Variants in CAST observed in about 807,000 individuals in gnomAD.
CAST encodes MIR583 host.
In CAST, 76 loss-of-function variants were observed where a neutral mutation model predicts 119.6. The observed-to-expected ratio is 0.64, with a 90% CI of 0.53 to 0.77. The LOEUF is 0.77. Among genes scored for constraint, CAST ranks in the 30% least tolerant of loss-of-function variants. The probability of loss-of-function intolerance (pLI) is 0.00; values close to 1 mark genes in which losing one functional copy is unlikely to be tolerated. For missense variants in CAST, 953 were observed against 946.5 expected (o/e 1.01, Z -0.09); for synonymous variants, 319 against 331.6 (o/e 0.96, Z 0.41).
chr5:96,002,370 G>A, the CAST span, among the ~76,000 whole-genome samples: 1 of 152,182 alleles, frequency 6.6e-6, no homozygotes, highest in Non-Finnish European at 1.5e-5. Flanking sequence ...CTCTGTCACT[G>A]AATTTATCAT....
chr5:96,464,771 C>G, the CAST span, among the ~76,000 whole-genome samples: 2 of 152,014 alleles, frequency 1.3e-5, no homozygotes, highest in Non-Finnish European at 2.9e-5. Flanking sequence ...TGGTAAACAC[C>G]TGGGCAGTCA....
chr5:96,432,741 C>T, the CAST span: 1 of 772,902 alleles, frequency 1.3e-6, no homozygotes, highest in Non-Finnish European at 2.2e-6. Flanking sequence ...GGAGCAGCTC[C>T]TTGCTCTTTG....
the CAST span, among the ~76,000 whole-genome samples, chr5:95,986,043 C>G: frequency 6.6e-6 from 1 of 152,062 alleles, no homozygotes; most frequent in Non-Finnish European, 1.5e-5. Context: ...CCTGTTTTTC[C>G]TACTTTTGCA....
At chr5:96,256,355 ATATAAATATACAGTAAT>A in the CAST span, among the ~76,000 whole-genome samples, 12 of 130,896 alleles carry the variant, frequency 9.2e-5, no homozygotes, top group Admixed American at 5.2e-4. Context: ...AATATACAGT[ATATAAATATACAGTAAT>A]ATATATATAT....
the CAST span, among the ~76,000 whole-genome samples, chr5:96,143,607 A>G: frequency 6.6e-6 from 1 of 152,198 alleles, no homozygotes; most frequent in Non-Finnish European, 1.5e-5. Flanking sequence ...TGTTTATTGA[A>G]TGGATGAGTC....
At chr5:96,662,312 G>A (rs1748623201), upstream of CAST, 2 of 1,092,286 alleles carry the variant, frequency 1.8e-6, 1 homozygote, top group South Asian at 5.3e-5. Context: ...CCCGCTCCCG[G>A]GCCCTCCGCT....
chr5:96,114,773 CT>C, the CAST span, among the ~76,000 whole-genome samples: 1 of 152,184 alleles, frequency 6.6e-6, no homozygotes, highest in Non-Finnish European at 1.5e-5. Flanking sequence ...TGCAGGGCCC[CT>C]AAGACCTCAT....
intron 1 of CAST, among the ~76,000 whole-genome samples, chr5:96,637,497 C>A (rs917904504): frequency 6.6e-6 from 1 of 152,152 alleles, no homozygotes; most frequent in African/African-American, 2.4e-5. Context: ...TTGCAAATAA[C>A]TTCCTATGGT....
At chr5:96,250,606 G>A in the CAST span, among the ~76,000 whole-genome samples, 1 of 152,056 alleles carries the variant, frequency 6.6e-6, no homozygotes, top group South Asian at 2.1e-4. Context: ...TGTAAGGAAA[G>A]CAAGGAATTA....
intron 1 of CAST, 108 bp from the exon 2 acceptor site, chr5:96,675,431 A>T: frequency 1.4e-6 from 1 of 735,838 alleles, no homozygotes; most frequent in Non-Finnish European, 2.4e-6. Context: ...GAGGAAGATT[A>T]AAGTGGTCGT....
intron 25 of CAST, 37 bp from the exon 26 acceptor site, chr5:96,765,184 C>A: frequency 3.3e-6 from 4 of 1,200,282 alleles, no homozygotes; most frequent in Middle Eastern, 1.9e-4. Context: ...TACAGTTTGG[C>A]TAATGAGTGA....
chr5:96,315,802 T>C, the CAST span, among the ~76,000 whole-genome samples: 4 of 152,178 alleles, frequency 2.6e-5, no homozygotes, highest in East Asian at 5.8e-4. Context: ...AACACTATTT[T>C]TGAGATCTCT....
intron 1 of CAST, among the ~76,000 whole-genome samples, chr5:96,612,539 T>G (rs530811822): frequency 1.3e-5 from 2 of 152,226 alleles, no homozygotes; most frequent in African/African-American, 4.8e-5. Context: ...TCACAATATA[T>G]CCACGTAACA....
At chr5:96,411,599 G>A in the CAST span, among the ~76,000 whole-genome samples, 3 of 152,314 alleles carry the variant, frequency 2.0e-5, no homozygotes, top group South Asian at 4.1e-4. Context: ...CAACAGGCAC[G>A]TGCAGAGCAG....
At chr5:96,588,204 T>C (rs1378643137) in intron 1 of CAST, among the ~76,000 whole-genome samples, 2 of 124,416 alleles carry the variant, frequency 1.6e-5, no homozygotes, top group African/African-American at 6.4e-5. Context: ...TTCTTTTTTT[T>C]TTTTTTTTTT....
upstream of CAST, among the ~76,000 whole-genome samples, chr5:96,529,570 G>A (rs918276546): frequency 6.6e-6 from 1 of 152,090 alleles, no homozygotes; most frequent in Non-Finnish European, 1.5e-5. Context: ...AGCTTTTTGA[G>A]ATTTCAGCAT....
At chr5:96,623,360 C>T (rs1416543093) in intron 1 of CAST, among the ~76,000 whole-genome samples, 4 of 152,110 alleles carry the variant, frequency 2.6e-5, no homozygotes, top group African/African-American at 7.2e-5. Flanking sequence ...GAGCATGGAG[C>T]CCTTGAATTT....
At chr5:96,615,248 T>C (rs1747430753) in intron 1 of CAST, among the ~76,000 whole-genome samples, 2 of 152,224 alleles carry the variant, frequency 1.3e-5, no homozygotes, top group Admixed American at 1.3e-4. Flanking sequence ...GCAGCTTTGG[T>C]GTATTAAGTG....
the CAST span, among the ~76,000 whole-genome samples, chr5:96,169,692 C>T: frequency 6.6e-6 from 1 of 151,896 alleles, no homozygotes; most frequent in South Asian, 2.1e-4. Flanking sequence ...GGTGCATGAT[C>T]GGTCACCAAG....
Sources: gnomAD v4.1 joint callset for allele counts (sites outside exome capture counted in the v4.1 genomes callset) on GRCh38, gnomAD v4.1.1 for gene constraint, MANE v1.5 for transcripts, NCBI Gene and HGNC (gene_info 2026-07-23, HGNC 2026-07-21) for gene names.